Variants in CNBD1 observed in about 807,000 individuals in gnomAD.
CNBD1 encodes cyclic nucleotide binding domain containing 1.
A neutral mutation model predicts 54.4 loss-of-function variants in CNBD1; 71 were observed. The ratio of observed to expected loss-of-function variants is 1.30; its 90% CI spans 1.08 to 1.59. The LOEUF (loss-of-function observed/expected upper bound fraction) is 1.59. CNBD1 is among the 40% of genes most tolerant of loss of function. CNBD1 has a pLI of 0.00. For missense variants in CNBD1, 659 were observed against 518.0 expected (o/e 1.27, Z -2.64); for synonymous variants, 182 against 170.7 (o/e 1.07, Z -0.51).
chr8:87,411,070 C>T (rs1200676956), intron 2 of CNBD1, among the ~76,000 whole-genome samples: 11 of 151,884 alleles, frequency 7.2e-5, no homozygotes, highest in African/African-American at 2.7e-4. Flanking sequence ...TTGTGTGACT[C>T]GCTTTATTAT....
chr8:87,336,832 T>C (rs1031145952), intron 8 of CNBD1, among the ~76,000 whole-genome samples: 1 of 152,212 alleles, frequency 6.6e-6, no homozygotes, highest in Non-Finnish European at 1.5e-5. Flanking sequence ...TTTTTGAGTT[T>C]GTCTAGTTTC....
At chr8:87,342,292 A>T (rs1431217482) in intron 8 of CNBD1, among the ~76,000 whole-genome samples, 3 of 145,368 alleles carry the variant, frequency 2.1e-5, no homozygotes, top group Non-Finnish European at 4.6e-5. Flanking sequence ...AAAAAAAAAA[A>T]GAAAACTCAT....
intron 4 of CNBD1, among the ~76,000 whole-genome samples, chr8:86,985,702 T>C (rs1808591142): frequency 6.6e-6 from 1 of 152,176 alleles, no homozygotes; most frequent in African/African-American, 2.4e-5. Context: ...TTGTTTTCTT[T>C]GGGTATATAC....
intron 4 of CNBD1, among the ~76,000 whole-genome samples, chr8:87,059,770 C>T (rs926531145): frequency 3.3e-5 from 5 of 152,204 alleles, no homozygotes; most frequent in Non-Finnish European, 5.9e-5. Flanking sequence ...TAGATTTTGG[C>T]GTGGGCACAG....
intron 4 of CNBD1, among the ~76,000 whole-genome samples, chr8:86,985,220 T>A (rs556896010): frequency 6.6e-6 from 1 of 152,156 alleles, no homozygotes; most frequent in Non-Finnish European, 1.5e-5. Flanking sequence ...TCCCCAGCCA[T>A]GTGGAACTTT....
Position 87,182,416 on chromosome 8 carries a change from G to C in CNBD1, c.432-23577G>C, listed in dbSNP as rs1401714629. ...TTCCTTTGGGTATATATCTAATAAT[G>C]GAATTACTGGGTTGAATGATAATTC... On this transcript the variant is annotated intron_variant, in intron 4 of 10. Coordinates refer to ENST00000518476, the MANE Select transcript of CNBD1 (RefSeq NM_173538.3). The surrounding 1 kb of genome is among the most constrained non-coding windows in gnomAD (Gnocchi z 4.1). Among the ~76,000 whole-genome samples, 1 of 152,042 alleles carries C rather than the reference G, an allele frequency of 6.6e-6. No homozygotes were observed. The highest frequency in any genetic ancestry group is 1.5e-5 in the Non-Finnish European group (1 of 67,998).
chr8:87,295,308 T>C (rs1413837137), intron 8 of CNBD1, among the ~76,000 whole-genome samples: 1 of 151,992 alleles, frequency 6.6e-6, no homozygotes, highest in Non-Finnish European at 1.5e-5. Flanking sequence ...AAACATACTT[T>C]GTAGAAAGTA....
At chr8:87,385,439 A>T (rs1311537745), downstream of CNBD1, among the ~76,000 whole-genome samples, 1 of 151,818 alleles carries the variant, frequency 6.6e-6, no homozygotes, top group African/African-American at 2.4e-5. Flanking sequence ...CTTTTCCAAC[A>T]GTCTTAGCAA....
intron 4 of CNBD1, among the ~76,000 whole-genome samples, chr8:87,070,887 G>A (rs1252367363): frequency 6.6e-6 from 1 of 151,964 alleles, no homozygotes; most frequent in African/African-American, 2.4e-5. Flanking sequence ...TAATAAGGAA[G>A]AGCACATCCC....
At chr8:86,932,356 G>A (rs1324498190) in intron 3 of CNBD1, among the ~76,000 whole-genome samples, 6 of 152,092 alleles carry the variant, frequency 3.9e-5, no homozygotes, top group East Asian at 1.9e-4. Flanking sequence ...GGACATAACC[G>A]ATAGCCCAGG....
At chr8:86,892,152 ATTTTCAACTTTTCACCT>A (rs571641166) in intron 2 of CNBD1, among the ~76,000 whole-genome samples, 2 of 151,964 alleles carry the variant, frequency 1.3e-5, no homozygotes, top group South Asian at 2.1e-4. Context: ...TAGATGAAAA[ATTTTCAACTTTTCACCT>A]TTGAGTATAG....
At chr8:87,053,788 G>A (rs1475514439) in intron 4 of CNBD1, among the ~76,000 whole-genome samples, 1 of 152,134 alleles carries the variant, frequency 6.6e-6, no homozygotes, top group Non-Finnish European at 1.5e-5. Flanking sequence ...GTTGTACTTG[G>A]GCAAAGCCCC....
At chr8:87,221,344 ACTTTTT>A (rs1017609938) in intron 5 of CNBD1, among the ~76,000 whole-genome samples, 1 of 152,116 alleles carries the variant, frequency 6.6e-6, no homozygotes, top group Non-Finnish European at 1.5e-5. Flanking sequence ...TCTTTAAAAT[ACTTTTT>A]CCTGTACTGT....
At chr8:87,411,399 TATATATA>T (rs1807740182) in intron 2 of CNBD1, among the ~76,000 whole-genome samples, 14 of 127,584 alleles carry the variant, frequency 1.1e-4, no homozygotes, top group African/African-American at 4.1e-4. Context: ...AGCTATATCA[TATATATA>T]TATATATATA....
chr8:87,296,893 A>T (rs112048530), intron 8 of CNBD1, among the ~76,000 whole-genome samples: 15,729 of 152,006 alleles, frequency 0.1, 1,249 homozygotes, highest in African/African-American at 0.22. Flanking sequence ...AGTAAAAAAT[A>T]AGGCCAGCGT....
intron 4 of CNBD1, among the ~76,000 whole-genome samples, chr8:87,183,035 C>T (rs995059211): frequency 2.0e-5 from 3 of 152,058 alleles, no homozygotes; most frequent in Non-Finnish European, 4.4e-5. Context: ...AATTTAGGGT[C>T]TTACATTTAA....
intron 4 of CNBD1, among the ~76,000 whole-genome samples, chr8:87,155,509 G>A (rs1424790616): frequency 6.6e-6 from 1 of 152,196 alleles, no homozygotes; most frequent in African/African-American, 2.4e-5. Context: ...GATGAATATG[G>A]AATACACATA....
chr8:87,269,672 T>A (rs533042076), intron 6 of CNBD1, among the ~76,000 whole-genome samples: 1 of 152,204 alleles, frequency 6.6e-6, no homozygotes, highest in East Asian at 1.9e-4. Context: ...TTTTACTCCT[T>A]TGTGGCTATT....
At chr8:87,338,054 G>A (rs1170063676) in intron 8 of CNBD1, among the ~76,000 whole-genome samples, 3 of 152,044 alleles carry the variant, frequency 2.0e-5, no homozygotes, top group Admixed American at 6.6e-5. Context: ...AGCATATCAG[G>A]TGTACTTAAA....
Sources: gnomAD v4.1 joint callset for allele counts (sites outside exome capture counted in the v4.1 genomes callset) on GRCh38, gnomAD v4.1.1 for gene constraint, Gnocchi (gnomAD v3.1) non-coding constraint, MANE v1.5 for transcripts, NCBI Gene and HGNC (gene_info 2026-07-23, HGNC 2026-07-21) for gene names.